Variants in MSI2 observed in about 807,000 individuals in gnomAD.
The protein encoded by MSI2 is musashi RNA binding protein 2.
Under a neutral mutation model 45.6 loss-of-function variants are expected in MSI2, and 17 were observed. The ratio of observed to expected loss-of-function variants is 0.37; its 90% CI spans 0.26 to 0.56. The LOEUF is 0.56. Ranked by LOEUF, MSI2 falls within the 20% of genes least tolerant of loss-of-function variation. The pLI is 0.77. For synonymous variants in MSI2, 156 were observed against 158.2 expected, an observed-to-expected ratio of 0.99 and a Z score of 0.11; for missense variants, 293 against 444.2, an observed-to-expected ratio of 0.66 and a Z score of 3.06.
At chr17:57,532,066 C>T (rs2086832727) in intron 7 of MSI2, 1 of 152,438 alleles carries the variant, frequency 6.6e-6, no homozygotes, top group East Asian at 1.9e-4. Context: ...TCCAGGAGTC[C>T]TGGTGGGCAC....
chr17:57,285,086 T>G (rs1018654572), intron 5 of MSI2, among the ~76,000 whole-genome samples: 1 of 152,110 alleles, frequency 6.6e-6, no homozygotes, highest in Admixed American at 6.6e-5. Flanking sequence ...TTTCTTCTTT[T>G]CACCTTAAAA....
intron 5 of MSI2, among the ~76,000 whole-genome samples, chr17:57,288,662 C>T (rs1910130304): frequency 6.6e-6 from 1 of 152,122 alleles, no homozygotes; most frequent in South Asian, 2.1e-4. Flanking sequence ...GTTTCTAATT[C>T]CTGCTTGATT....
chr17:57,601,183 C>T (rs1484511303), intron 8 of MSI2: 2 of 152,230 alleles, frequency 1.3e-5, no homozygotes, highest in African/African-American at 4.8e-5. Context: ...GGCCAGATTC[C>T]CAGCTAGGGA....
rs115716779 is a variant in MSI2, at chr17:57,574,742, G to A, written c.455-22126G>A. Among the ~76,000 whole-genome samples, 491 of 152,216 alleles carry A rather than the reference G, an allele frequency of 3.2e-3. 2 individuals carry two copies. Among genetic ancestry groups the A allele is most frequent in the Middle Eastern group, 0.017 (5 of 292 alleles). On this transcript the variant is annotated intron_variant, in intron 7 of 13. Transcript: ENST00000284073. ...TCTATCTTCTACCAACTACTGTGGA[G>A]CTTCGGTTTCATCAGTCTTAAGAGA...
At chr17:57,580,956 C>G (rs2088185440) in intron 7 of MSI2, among the ~76,000 whole-genome samples, 1 of 147,992 alleles carries the variant, frequency 6.8e-6, no homozygotes. Context: ...ATAACCAGAA[C>G]TAGCATTATC....
At chr17:57,675,230 G>A in intron 12 of MSI2, 104 bp downstream of exon 12, 3 of 1,163,442 alleles carry the variant, frequency 2.6e-6, no homozygotes, top group South Asian at 2.9e-5. Context: ...CAGAGGAGAG[G>A]ACAGAGGGTC....
rs1341362652 is a variant in MSI2 at position 57,257,122 on chromosome 17, C to T, written c.87C>T (p.Ser29=). 1.9e-6 allele frequency: 2 copies of T among 1,032,144 alleles called. No individual in the cohort carries two copies. The highest frequency in any genetic ancestry group is 5.0e-5 in the East Asian group (1 of 20,198). 63.9% of individuals were successfully genotyped at this position (1,032,144 alleles called of 1,614,324 possible). ...DPGKMFIGGL[S]WQTSPDSLRD... Reference sequence around the variant, plus strand: ...GTAAAATGTTTATCGGTGGACTGAGCTGGCAGACCTCACCAGGTAAGGGAG... The same window carrying T: ...GTAAAATGTTTATCGGTGGACTGAGTTGGCAGACCTCACCAGGTAAGGGAG... Residue 29 remains serine (S), a synonymous_variant, in exon 2 of 14, where the codon AGC becomes AGT. Coordinates refer to ENST00000284073, the MANE Select transcript of MSI2 (RefSeq NM_138962.4).
intron 6 of MSI2, among the ~76,000 whole-genome samples, chr17:57,422,270 G>A (rs955475806): frequency 1.2e-4 from 18 of 152,108 alleles, no homozygotes; most frequent in Non-Finnish European, 4.4e-5. Flanking sequence ...GACCAGCCTG[G>A]CCAATATGGT....
At chr17:57,499,773 G>T (rs2086061834) in intron 6 of MSI2, among the ~76,000 whole-genome samples, 1 of 152,196 alleles carries the variant, frequency 6.6e-6, no homozygotes, top group South Asian at 2.1e-4. Context: ...CACAACAGGG[G>T]CTGACGAAGC....
At chr17:57,640,750 A>G (rs372201530) in intron 10 of MSI2, among the ~76,000 whole-genome samples, 3 of 152,184 alleles carry the variant, frequency 2.0e-5, no homozygotes, top group African/African-American at 4.8e-5. Flanking sequence ...TTCTTCATCT[A>G]TTAAATGGGA....
chr17:57,605,209 G>A (rs939397791), intron 8 of MSI2, among the ~76,000 whole-genome samples: 3 of 152,098 alleles, frequency 2.0e-5, no homozygotes, highest in African/African-American at 4.8e-5. Context: ...TGCCCCCCAC[G>A]CATCACACAC....
At chr17:57,565,884 C>T (rs1017601435) in intron 7 of MSI2, 1 of 152,158 alleles carries the variant, frequency 6.6e-6, no homozygotes, top group Admixed American at 6.5e-5. Flanking sequence ...CATGAGACAC[C>T]CCTGTTGCCT....
Position 57,502,462 on chromosome 17 carries a change from A to G in MSI2, c.406-27214A>G, listed in dbSNP as rs185049882. Among the ~76,000 whole-genome samples the G allele has an allele frequency of 2.4e-3, 368 of 151,656 alleles. 3 individuals carry two copies. The highest frequency in any genetic ancestry group is 5.2e-3 in the Admixed American group (79 of 15,212). ...TAATAGTGCATCCTTTGAAGGTGTA[A>G]TGTGTGAATTGAACTAGATAACTTT... On this transcript the variant is annotated intron_variant, in intron 6 of 13. Coordinates refer to ENST00000284073, the MANE Select transcript of MSI2 (RefSeq NM_138962.4).
intron 8 of MSI2, among the ~76,000 whole-genome samples, chr17:57,614,740 T>G (rs1907511561): frequency 6.6e-6 from 1 of 152,210 alleles, no homozygotes; most frequent in Admixed American, 6.5e-5. Flanking sequence ...TAAGTGCTAA[T>G]AAGCACAGGC....
chr17:57,381,437 T>A (rs2083596241), intron 5 of MSI2, among the ~76,000 whole-genome samples: 1 of 151,446 alleles, frequency 6.6e-6, no homozygotes. Context: ...CTTTCTTCCC[T>A]CCCCAAGGCA....
chr17:57,686,367 A>G (rs1291016782), downstream of MSI2, among the ~76,000 whole-genome samples: 1 of 152,262 alleles, frequency 6.6e-6, no homozygotes, highest in East Asian at 1.9e-4. Context: ...GAAAAAGAAG[A>G]AACAACAATG....
chr17:57,534,687 C>T (rs977683272), intron 7 of MSI2, among the ~76,000 whole-genome samples: 9 of 152,196 alleles, frequency 5.9e-5, no homozygotes, highest in African/African-American at 2.2e-4. Context: ...TGCACTCCAG[C>T]CTGGGCAACA....
At chr17:57,489,159 C>A (rs1368715804) in intron 6 of MSI2, among the ~76,000 whole-genome samples, 1 of 152,202 alleles carries the variant, frequency 6.6e-6, no homozygotes, top group African/African-American at 2.4e-5. Flanking sequence ...TTCTGGGGCC[C>A]AGGCAGCCCT....
intron 6 of MSI2, among the ~76,000 whole-genome samples, chr17:57,528,104 C>T (rs538691465): frequency 5.3e-5 from 8 of 150,828 alleles, no homozygotes; most frequent in South Asian, 2.1e-4. Context: ...TTTTACCCCC[C>T]CTACAGCCAC....
Sources: gnomAD v4.1 joint callset for allele counts (sites outside exome capture counted in the v4.1 genomes callset) on GRCh38, gnomAD v4.1.1 for gene constraint, MANE v1.5 for transcripts, NCBI Gene and HGNC (gene_info 2026-07-23, HGNC 2026-07-21) for gene names.